ASTN1: variants seen among roughly 807,000 people sequenced by gnomAD.
ASTN1 encodes the protein astrotactin-1.
ASTN1 carries 41 observed loss-of-function variants against 140.7 expected under a neutral mutation model. The observed-to-expected ratio is 0.29, with a 90% CI of 0.23 to 0.38. The LOEUF (loss-of-function observed/expected upper bound fraction) is 0.38, where lower values mean the gene tolerates loss of function less well. ASTN1 is among the 10% of genes least tolerant of loss of function. The pLI is 1.00. For synonymous variants in ASTN1, 640 were observed against 652.2 expected (o/e 0.98, Z 0.29); for missense variants, 1,479 against 1,678.8 (o/e 0.88, Z 2.08).
At chr1:176,969,373 C>T (rs1272193745) in intron 8 of ASTN1, among the ~76,000 whole-genome samples, 1 of 152,094 alleles carries the variant, frequency 6.6e-6, no homozygotes, top group Non-Finnish European at 1.5e-5. Context: ...TTTGTCTCCT[C>T]ATTAGGAAAA....
chr1:176,957,888 G>T, intron 10 of ASTN1, 60 bp from the exon 11 acceptor site: 1 of 1,557,352 alleles, frequency 6.4e-7, no homozygotes. Flanking sequence ...TGCAACAAGT[G>T]GCATTACATT....
intron 8 of ASTN1, among the ~76,000 whole-genome samples, chr1:177,005,280 A>G (rs949637473): frequency 6.6e-6 from 1 of 152,200 alleles, no homozygotes; most frequent in Non-Finnish European, 1.5e-5. Flanking sequence ...ATGAGATACC[A>G]TTTTACCCCA....
intron 7 of ASTN1, among the ~76,000 whole-genome samples, chr1:177,018,756 T>G (rs1675683944): frequency 6.6e-6 from 1 of 152,098 alleles, no homozygotes; most frequent in African/African-American, 2.4e-5. Context: ...TGAAACCAGG[T>G]AGTCTGTGTC....
intron 8 of ASTN1, among the ~76,000 whole-genome samples, chr1:176,999,436 G>A (rs1674613140): frequency 1.3e-5 from 2 of 152,210 alleles, no homozygotes; most frequent in Non-Finnish European, 2.9e-5. Context: ...GTCCAGACAG[G>A]ATGAAATCTT....
chr1:177,076,648 A>G (rs1192347224), intron 1 of ASTN1, among the ~76,000 whole-genome samples: 1 of 151,668 alleles, frequency 6.6e-6, no homozygotes, highest in Non-Finnish European at 1.5e-5. Context: ...CAGTCTCCCT[A>G]GTAGCTGGGA....
chr1:177,091,651 T>G (rs761555534), intron 1 of ASTN1, among the ~76,000 whole-genome samples: 7 of 152,204 alleles, frequency 4.6e-5, no homozygotes, highest in Non-Finnish European at 7.4e-5. Flanking sequence ...TCTCTAATTC[T>G]AGAACAGTTC....
rs531014707 is a variant in ASTN1, at chr1:177,112,457, G to C, written c.284-51192C>G. The stretch of plus-strand genomic sequence containing the variant: ...CTAAAGGATTCTGTGTATTCCACCC[G>C]TGTTGGGCGGGGTGGGTGCCACATG... On this transcript the variant is annotated intron_variant, in intron 1 of 22. Coordinates refer to ENST00000361833, the MANE Select transcript of ASTN1 (RefSeq NM_004319.3). 2.0e-5 allele frequency among the ~76,000 whole-genome samples: 3 copies of C among 152,320 alleles called. No individual in the cohort carries two copies. The East Asian group carries it at 5.8e-4, about 29-fold the overall frequency.
chr1:177,149,291 T>C (rs1326303653), intron 1 of ASTN1, among the ~76,000 whole-genome samples: 41 of 89,830 alleles, frequency 4.6e-4, no homozygotes, highest in African/African-American at 2.1e-3. Flanking sequence ...AATATATATA[T>C]AGTATATATA....
intron 1 of ASTN1, among the ~76,000 whole-genome samples, chr1:177,156,978 T>A (rs940707381): frequency 1.3e-5 from 2 of 152,172 alleles, no homozygotes; most frequent in African/African-American, 4.8e-5. Flanking sequence ...TTCTTCAAAC[T>A]GTCAAAGTCA....
chr1:176,914,578 G>C (rs1670401474), intron 16 of ASTN1, among the ~76,000 whole-genome samples: 1 of 152,200 alleles, frequency 6.6e-6, no homozygotes, highest in Non-Finnish European at 1.5e-5. Context: ...CAGGAATTTT[G>C]AGCCTGAAGC....
chr1:177,016,918 A>C (rs1435388906), intron 7 of ASTN1, among the ~76,000 whole-genome samples: 1 of 152,228 alleles, frequency 6.6e-6, no homozygotes, highest in Non-Finnish European at 1.5e-5. Flanking sequence ...GGGCATATTT[A>C]GAAGCAGGAA....
chr1:176,862,010 C>T lies in ASTN1; in HGVS notation c.*2274G>A. The T allele has an allele frequency of 4.1e-6, 4 of 985,454 alleles. No homozygotes were observed. Among genetic ancestry groups the T allele is most frequent in the Non-Finnish European group, 4.8e-6 (4 of 829,996 alleles). 61.0% of individuals were successfully genotyped at this position (985,454 alleles called of 1,614,324 possible). ...TCGGCAGCCTCACCCTCCTTTCACT[C>T]AAGCTTAAAACACCGTGTTCTGCAC... On this transcript the variant is annotated 3_prime_UTR_variant, in exon 23 of 23. Transcript: ENST00000361833.
downstream of ASTN1, among the ~76,000 whole-genome samples, chr1:176,859,143 C>A (rs1214225935): frequency 1.3e-5 from 2 of 152,062 alleles, no homozygotes. Context: ...GGAAGAAACC[C>A]TTCTCTTCCA....
intron 1 of ASTN1, among the ~76,000 whole-genome samples, chr1:177,153,388 C>G (rs971872566): frequency 2.6e-5 from 4 of 151,932 alleles, no homozygotes; most frequent in Non-Finnish European, 4.4e-5. Context: ...AACTGTGAGC[C>G]AAATAAGCCT....
At chr1:177,135,090 C>T (rs563217366) in intron 1 of ASTN1, among the ~76,000 whole-genome samples, 2 of 152,162 alleles carry the variant, frequency 1.3e-5, no homozygotes, top group South Asian at 4.2e-4. Context: ...TGCAGAGGGG[C>T]AGGTGGATGT....
chr1:177,145,084 A>C (rs1349041521), intron 1 of ASTN1, among the ~76,000 whole-genome samples: 1 of 152,168 alleles, frequency 6.6e-6, no homozygotes, highest in Non-Finnish European at 1.5e-5. Context: ...AAAATCTCTA[A>C]GATTTTGAGA....
At chr1:176,897,750 A>G (rs544449907) in intron 16 of ASTN1, among the ~76,000 whole-genome samples, 11 of 152,244 alleles carry the variant, frequency 7.2e-5, no homozygotes, top group Non-Finnish European at 1.2e-4. Flanking sequence ...AGAGGGGCAT[A>G]GATGATGACA....
intron 1 of ASTN1, among the ~76,000 whole-genome samples, chr1:177,157,394 C>A (rs1198901893): frequency 6.6e-6 from 1 of 152,152 alleles, no homozygotes; most frequent in Non-Finnish European, 1.5e-5. Context: ...CCGCTCACTG[C>A]AACTCCGCCT....
At chr1:177,008,114 G>C (rs2101926441) in intron 8 of ASTN1, among the ~76,000 whole-genome samples, 1 of 152,308 alleles carries the variant, frequency 6.6e-6, no homozygotes, top group African/African-American at 2.4e-5. Context: ...GTCTGTCTGT[G>C]GAGGAAATCC....
Sources: gnomAD v4.1 joint callset for allele counts (sites outside exome capture counted in the v4.1 genomes callset) on GRCh38, gnomAD v4.1.1 for gene constraint, MANE v1.5 for transcripts, NCBI Gene and HGNC (gene_info 2026-07-23, HGNC 2026-07-21) for gene names.